CIMAP1D: variants seen among roughly 807,000 people sequenced by gnomAD.
CIMAP1D encodes the protein CIMAP1 family member D, also known as protein CIMAP1D.
chr19:484,719 A>C, the CIMAP1D span, among the ~76,000 whole-genome samples: 15 of 152,140 alleles, frequency 9.9e-5, no homozygotes, highest in Admixed American at 9.2e-4. Flanking sequence ...AGCGAGGAGG[A>C]GGCCAGGGTG....
chr19:477,906 A>T, the CIMAP1D span, among the ~76,000 whole-genome samples: 1 of 152,060 alleles, frequency 6.6e-6, no homozygotes, highest in Non-Finnish European at 1.5e-5. Context: ...TACTCTGACC[A>T]TCCGGACCTG....
chr19:464,027 C>G, the CIMAP1D span: 1 of 1,602,956 alleles, frequency 6.2e-7, no homozygotes, highest in Non-Finnish European at 8.5e-7. Flanking sequence ...GTCGCGGGGC[C>G]CGGGGCCGCC....
At chr19:463,946 T>C in the CIMAP1D span, 1 of 1,611,502 alleles carries the variant, frequency 6.2e-7, no homozygotes, top group Non-Finnish European at 8.5e-7. Flanking sequence ...TAGAGAACGC[T>C]GGAGCCCTGG....
the CIMAP1D span, among the ~76,000 whole-genome samples, chr19:482,063 A>G: frequency 2.4e-4 from 37 of 152,304 alleles, no homozygotes; most frequent in African/African-American, 8.2e-4. Flanking sequence ...GGCATGAACC[A>G]CCATGCTCGG....
the CIMAP1D span, among the ~76,000 whole-genome samples, chr19:477,049 A>G: frequency 6.6e-6 from 1 of 152,184 alleles, no homozygotes; most frequent in East Asian, 1.9e-4. Flanking sequence ...TCTACAAAAA[A>G]TACAAAAATC....
the CIMAP1D span, among the ~76,000 whole-genome samples, chr19:491,622 G>T: frequency 6.8e-6 from 1 of 147,984 alleles, no homozygotes; most frequent in Admixed American, 6.7e-5. Flanking sequence ...CCCAGGCAGA[G>T]CCGGCCCCAA....
chr19:484,551 G>A, the CIMAP1D span, among the ~76,000 whole-genome samples: 20 of 152,236 alleles, frequency 1.3e-4, no homozygotes, highest in Admixed American at 6.5e-5. Flanking sequence ...ACATACGGTG[G>A]CCAGGAAGGC....
chr19:467,816 C>T, the CIMAP1D span: 11 of 1,178,232 alleles, frequency 9.3e-6, no homozygotes, highest in Non-Finnish European at 1.3e-5. Context: ...GTGCCTGCCC[C>T]ACCGCCCGGC....
the CIMAP1D span, chr19:463,987 G>A: frequency 2.5e-6 from 4 of 1,609,818 alleles, no homozygotes; most frequent in African/African-American, 5.3e-5. Context: ...TCTGGGCAGT[G>A]GGCGCCAGGG....
At chr19:466,442 T>C in the CIMAP1D span, among the ~76,000 whole-genome samples, 1 of 138,736 alleles carries the variant, frequency 7.2e-6, no homozygotes, top group African/African-American at 2.8e-5. Flanking sequence ...GGTGGATAGA[T>C]GGCTGGATGG....
At chr19:479,840 C>G in the CIMAP1D span, among the ~76,000 whole-genome samples, 1 of 152,168 alleles carries the variant, frequency 6.6e-6, no homozygotes, top group South Asian at 2.1e-4. Flanking sequence ...CCGGCCCCTT[C>G]TTCTCTCTTT....
the CIMAP1D span, among the ~76,000 whole-genome samples, chr19:473,726 C>A: frequency 8.5e-6 from 1 of 117,120 alleles, no homozygotes; most frequent in Non-Finnish European, 1.6e-5. Context: ...CAGAGATACA[C>A]GATCACAGAT....
the CIMAP1D span, among the ~76,000 whole-genome samples, chr19:475,692 A>G: frequency 1.3e-5 from 2 of 152,048 alleles, no homozygotes; most frequent in African/African-American, 4.8e-5. Context: ...CTCCAAGAAG[A>G]GGCTCAGAAA....
chr19:482,857 C>A, the CIMAP1D span, among the ~76,000 whole-genome samples: 3 of 152,174 alleles, frequency 2.0e-5, no homozygotes, highest in African/African-American at 7.2e-5. Context: ...CAGCCCCGCC[C>A]CTCGACGGGC....
At chr19:466,892 C>T in the CIMAP1D span, among the ~76,000 whole-genome samples, 55 of 21,494 alleles carry the variant, frequency 2.6e-3, no homozygotes, top group East Asian at 8.7e-3. Flanking sequence ...GGATAGATGG[C>T]TGGGTGGAGG....
chr19:484,222 T>G, the CIMAP1D span, among the ~76,000 whole-genome samples: 1 of 144,760 alleles, frequency 6.9e-6, no homozygotes, highest in Non-Finnish European at 1.5e-5. Context: ...CTCACCACAA[T>G]CTCTGCCTCC....
the CIMAP1D span, among the ~76,000 whole-genome samples, chr19:485,703 G>C: frequency 6.6e-6 from 1 of 152,148 alleles, no homozygotes; most frequent in Admixed American, 6.5e-5. Context: ...CACATCCTCC[G>C]GCTGCAGATG....
At chr19:478,976 G>T in the CIMAP1D span, among the ~76,000 whole-genome samples, 3 of 152,244 alleles carry the variant, frequency 2.0e-5, no homozygotes, top group Non-Finnish European at 2.9e-5. Flanking sequence ...AGACAGGCAG[G>T]CAGATAAGTG....
At chr19:476,779 C>T in the CIMAP1D span, among the ~76,000 whole-genome samples, 1 of 152,058 alleles carries the variant, frequency 6.6e-6, no homozygotes, top group Non-Finnish European at 1.5e-5. Flanking sequence ...GAATAACCCA[C>T]GCATCAAAGA....
Sources: gnomAD v4.1 joint callset for allele counts (sites outside exome capture counted in the v4.1 genomes callset) on GRCh38, gnomAD v4.1.1 for gene constraint, MANE v1.5 for transcripts, NCBI Gene and HGNC (gene_info 2026-07-23, HGNC 2026-07-21) for gene names.